B3GALT1: variants seen among roughly 807,000 people sequenced by gnomAD.
B3GALT1 encodes the protein UDP-Gal:betaGlcNAc beta 1,3-galactosyltransferase, polypeptide 1.
In B3GALT1, 10 loss-of-function variants were observed where a neutral mutation model predicts 23.2. The ratio of observed to expected loss-of-function variants is 0.43; its 90% CI spans 0.27 to 0.73. The LOEUF is 0.73. B3GALT1 is among the 30% of genes least tolerant of loss of function. The pLI, the probability that B3GALT1 is intolerant of heterozygous loss-of-function variation, is 0.21. For missense variants in B3GALT1, 299 were observed against 405.4 expected, an observed-to-expected ratio of 0.74 and a Z score of 2.25; for synonymous variants, 156 against 141.5, an observed-to-expected ratio of 1.10 and a Z score of -0.73.
intron 1 of B3GALT1, among the ~76,000 whole-genome samples, chr2:167,460,537 A>G (rs1347393104): frequency 6.6e-6 from 1 of 151,522 alleles, no homozygotes; most frequent in Non-Finnish European, 1.5e-5. Flanking sequence ...TTTCCTTTAA[A>G]CCTTTGGGCA....
At chr2:167,310,423 G>T (rs1036912251) in intron 1 of B3GALT1, among the ~76,000 whole-genome samples, 1 of 151,998 alleles carries the variant, frequency 6.6e-6, no homozygotes, top group African/African-American at 2.4e-5. Context: ...ATTTTTGAAG[G>T]GGTAGTTAAG....
At chr2:167,529,916 A>G (rs1683292148) in intron 2 of B3GALT1, among the ~76,000 whole-genome samples, 2 of 152,072 alleles carry the variant, frequency 1.3e-5, no homozygotes, top group African/African-American at 2.4e-5. Flanking sequence ...TTTAAAAATC[A>G]TAACTCAGAT....
At chr2:167,786,346 T>C (rs917894468) in intron 3 of B3GALT1, among the ~76,000 whole-genome samples, 3 of 152,188 alleles carry the variant, frequency 2.0e-5, no homozygotes, top group Non-Finnish European at 4.4e-5. Flanking sequence ...GAAGTGGTAA[T>C]TAAACTATAT....
chr2:167,677,920 C>G (rs1399363516), intron 3 of B3GALT1, among the ~76,000 whole-genome samples: 1 of 152,076 alleles, frequency 6.6e-6, no homozygotes, highest in Non-Finnish European at 1.5e-5. Flanking sequence ...CTTATAAAAC[C>G]GTCAGATCTT....
chr2:167,319,143 T>G lies in B3GALT1; in HGVS notation c.-511+25809T>G, dbSNP rs77643998. Among the ~76,000 whole-genome samples, 251 of 152,238 alleles carry G rather than the reference T, an allele frequency of 1.6e-3. 11 individuals carry two copies. The East Asian group carries it at 0.046, about 28-fold the overall frequency. On this transcript the variant is annotated intron_variant, in intron 1 of 4. Transcript: ENST00000392690. ...GGGAATGGTAATGGCCAGGGCACAC[T>G]GGAGGTTGACCTCCTTTTGCTTATG...
chr2:167,801,565 C>CTA (rs1688639274), intron 3 of B3GALT1, among the ~76,000 whole-genome samples: 1 of 152,198 alleles, frequency 6.6e-6, no homozygotes, highest in Non-Finnish European at 1.5e-5. Flanking sequence ...CAAGACTGTA[C>CTA]TATGACTATG....
chr2:167,301,303 G>T (rs1696441614), intron 1 of B3GALT1, among the ~76,000 whole-genome samples: 1 of 152,126 alleles, frequency 6.6e-6, no homozygotes. Context: ...AAAAGAAAAT[G>T]AGAGAAAACA....
chr2:167,369,755 A>G (rs762568132), intron 1 of B3GALT1, among the ~76,000 whole-genome samples: 2 of 152,208 alleles, frequency 1.3e-5, no homozygotes, highest in Non-Finnish European at 2.9e-5. Context: ...GGAAAGGGAT[A>G]TGTGATATTA....
intron 2 of B3GALT1, among the ~76,000 whole-genome samples, chr2:167,589,253 A>AT (rs1290479174): frequency 6.6e-6 from 1 of 151,992 alleles, no homozygotes; most frequent in Non-Finnish European, 1.5e-5. Flanking sequence ...GCCTATAACC[A>AT]TTTTCTAAAT....
intron 1 of B3GALT1, among the ~76,000 whole-genome samples, chr2:167,377,883 T>C (rs1697789839): frequency 6.6e-6 from 1 of 152,202 alleles, no homozygotes; most frequent in Non-Finnish European, 1.5e-5. Context: ...TTGGCTGCTA[T>C]GTAGTTTGTA....
chr2:167,745,668 G>A (rs553640342), intron 3 of B3GALT1, among the ~76,000 whole-genome samples: 1 of 151,588 alleles, frequency 6.6e-6, no homozygotes, highest in South Asian at 2.1e-4. Flanking sequence ...ATCCTTTTTA[G>A]CTGTTCGGTT....
intron 1 of B3GALT1, among the ~76,000 whole-genome samples, chr2:167,396,126 A>G (rs536117334): frequency 6.9e-4 from 105 of 152,302 alleles, no homozygotes; most frequent in African/African-American, 2.4e-3. Context: ...ATGGCTTTTA[A>G]GAAGACTTGG....
At chr2:167,472,605 A>G (rs1281251459) in intron 1 of B3GALT1, among the ~76,000 whole-genome samples, 3 of 152,130 alleles carry the variant, frequency 2.0e-5, no homozygotes, top group African/African-American at 7.2e-5. Context: ...ATACAAGTTC[A>G]TCTCGTCTAC....
chr2:167,571,465 T>C (rs1434633289), intron 2 of B3GALT1, among the ~76,000 whole-genome samples: 1 of 151,896 alleles, frequency 6.6e-6, no homozygotes, highest in South Asian at 2.1e-4. Context: ...TCTGTGTTTC[T>C]AATCGAAGGG....
chr2:167,713,811 T>C, intron 3 of B3GALT1: 2 of 1,592,762 alleles, frequency 1.3e-6, no homozygotes, highest in Middle Eastern at 1.7e-4. Flanking sequence ...TGTGGATAGA[T>C]GTTTCTCATT....
intron 2 of B3GALT1, among the ~76,000 whole-genome samples, chr2:167,603,536 G>A (rs151256707): frequency 6.6e-6 from 1 of 152,226 alleles, no homozygotes; most frequent in African/African-American, 2.4e-5. Context: ...AGAATGTAAA[G>A]ATGAGGGGAA....
intron 2 of B3GALT1, among the ~76,000 whole-genome samples, chr2:167,575,211 C>A: frequency 6.6e-6 from 1 of 151,654 alleles, no homozygotes; most frequent in Non-Finnish European, 1.5e-5. Flanking sequence ...TAAAATAAAA[C>A]ATTGCTATTG....
At chr2:167,569,583 C>T (rs1684253891) in intron 2 of B3GALT1, among the ~76,000 whole-genome samples, 1 of 151,742 alleles carries the variant, frequency 6.6e-6, no homozygotes, top group Admixed American at 6.6e-5. Context: ...TTTGAATTTT[C>T]TAGACAATCA....
intron 2 of B3GALT1, among the ~76,000 whole-genome samples, chr2:167,592,030 A>T (rs928159752): frequency 3.9e-5 from 6 of 152,118 alleles, no homozygotes; most frequent in Non-Finnish European, 7.4e-5. Context: ...GAGAAAGAGA[A>T]GTACTGATGA....
Sources: allele counts gnomAD v4.1 joint callset (sites outside exome capture counted in the v4.1 genomes callset), GRCh38; gene constraint gnomAD v4.1.1; transcripts MANE v1.5; gene names NCBI Gene and HGNC (gene_info 2026-07-23, HGNC 2026-07-21).